Variants in UHMK1 observed in about 807,000 individuals in gnomAD.
UHMK1 encodes the protein serine/threonine-protein kinase Kist.
Under a neutral mutation model 44.0 loss-of-function variants are expected in UHMK1, and 18 were observed. That is an observed-to-expected ratio of 0.41 (90% CI 0.28 to 0.61). The LOEUF is 0.61. Ranked by LOEUF, UHMK1 falls within the 20% of genes least tolerant of loss-of-function variation. The pLI is 0.31. For synonymous variants in UHMK1, 231 were observed against 198.5 expected (o/e 1.16, Z -1.38); for missense variants, 463 against 522.5 (o/e 0.89, Z 1.11).
At chr1:162,500,514 A>C (rs1571003271) in intron 2 of UHMK1, 1 of 438,024 alleles carries the variant, frequency 2.3e-6, no homozygotes, top group African/African-American at 2.0e-5. Flanking sequence ...ATGGTTTTTT[A>C]AATTTTATGC....
intron 7 of UHMK1, among the ~76,000 whole-genome samples, chr1:162,518,618 G>A (rs1262386977): frequency 6.6e-6 from 1 of 151,018 alleles, no homozygotes; most frequent in African/African-American, 2.4e-5. Context: ...GGAGGCAGAG[G>A]TTGCAGTGAG....
Position 162,500,097 on chromosome 1 carries a change from T to C in UHMK1, c.411T>C (p.His137=), listed in dbSNP as rs1651212979. The C allele has an allele frequency of 6.2e-7, 1 of 1,614,070 alleles. No individual in the cohort carries two copies. The highest frequency in any genetic ancestry group is 1.3e-5 in the African/African-American group (1 of 74,932). ...GTTGTTCCATGTGGATGATACAGCA[T>C]TGTGCCCGAGATGTTTTGGAGGCCC... ...HQGCSMWMIQ[H]CARDVLEALA... The change falls in exon 2 of 8, where the codon CAT becomes CAC. Residue 137 remains histidine, a synonymous_variant. Transcript: ENST00000489294.
intron 5 of UHMK1, 55 bp downstream of exon 5, chr1:162,512,631 A>G (rs1292008740): frequency 8.1e-6 from 13 of 1,601,956 alleles, no homozygotes; most frequent in Non-Finnish European, 1.1e-5. Flanking sequence ...CATACAAGAC[A>G]TCAGCACTAA....
chr1:162,512,555 C>G lies in UHMK1; in HGVS notation c.904C>G (p.Pro302Ala). 2 of 1,612,892 alleles carry G rather than the reference C, an allele frequency of 1.2e-6. No homozygotes were observed. The highest frequency in any genetic ancestry group is 1.7e-6 in the Non-Finnish European group (2 of 1,179,774). The change falls in exon 5 of 8, where the codon CCA becomes GCA. Residue 302 changes from proline to alanine, a missense_variant. By Grantham distance (27) the Pro-to-Ala change is conservative. Transcript: ENST00000489294. ...TCCTGCTGAAATGGCATTGTGCAGC[C>G]CATTCTTTAGCATTCCTTTTGGTAA... ...RIPAEMALCSPFFSIPFAPHI... is the reference protein window; with the variant it reads ...RIPAEMALCSAFFSIPFAPHI...
chr1:162,497,772 CCT>C, upstream of UHMK1: 1 of 1,310,958 alleles, frequency 7.6e-7, no homozygotes, highest in Non-Finnish European at 9.7e-7. Context: ...CTGAGCCCCC[CCT>C]CCTTCGGCCT....
intron 3 of UHMK1, among the ~76,000 whole-genome samples, chr1:162,503,373 G>A (rs952606709): frequency 6.6e-6 from 1 of 151,966 alleles, no homozygotes. Flanking sequence ...ACTTTGGGAG[G>A]CCACGGTGGG....
chr1:162,522,409 T>C lies in UHMK1; in HGVS notation c.1119T>C (p.Phe373=), dbSNP rs771041185. 1.3e-5 allele frequency: 21 copies of C among 1,614,000 alleles called. No individual in the cohort carries two copies. The highest frequency in any genetic ancestry group is 1.6e-5 in the Non-Finnish European group (19 of 1,180,014). ...TTTTCTCTGTCTTCTTTCAGGTCTT[T>C]GTTGAGTATGCAAATGCTGGTGATT... ...PKENPGRGQV[F]VEYANAGDSK... Residue 373 remains phenylalanine (F), a synonymous_variant, in exon 8 of 8, where the codon TTT becomes TTC. Coordinates refer to ENST00000489294, the MANE Select transcript of UHMK1 (RefSeq NM_175866.5).
chr1:162,512,516 C>G lies in UHMK1; in HGVS notation c.865C>G (p.Pro289Ala), dbSNP rs1329918590. Residue 289 changes from proline to alanine, a missense_variant, in exon 5 of 8, where the codon CCA (proline) becomes GCA (alanine). By Grantham distance (27) the Pro-to-Ala change is conservative (BLOSUM62 -1). Transcript: ENST00000489294. ...GTGTTTTAGCATGCTTCATGATGATCCAAGCAGAAGAATTCCTGCTGAAAT... is the reference window on the plus strand; with the variant it reads ...GTGTTTTAGCATGCTTCATGATGATGCAAGCAGAAGAATTCCTGCTGAAAT... ...DLIKSMLHDD[P>A]SRRIPAEMAL... The G allele has an allele frequency of 3.7e-6, 6 of 1,612,096 alleles. No individual in the cohort carries two copies. The highest frequency in any genetic ancestry group is 4.2e-6 in the Non-Finnish European group (5 of 1,179,626).
At chr1:162,512,945 A>T (rs1651718032) in intron 6 of UHMK1, 122 bp downstream of exon 6, 4 of 985,606 alleles carry the variant, frequency 4.1e-6, no homozygotes, top group African/African-American at 1.6e-5. Flanking sequence ...TATGATCTCT[A>T]ATATACTCTC....
At chr1:162,520,908 A>T (rs1159704562) in intron 7 of UHMK1, among the ~76,000 whole-genome samples, 1 of 152,198 alleles carries the variant, frequency 6.6e-6, no homozygotes, top group African/African-American at 2.4e-5. Flanking sequence ...GAATAGAGAG[A>T]CAGGAGAAGT....
chr1:162,519,790 G>A (rs1207307000), intron 7 of UHMK1, among the ~76,000 whole-genome samples: 1 of 152,102 alleles, frequency 6.6e-6, no homozygotes, highest in Non-Finnish European at 1.5e-5. Flanking sequence ...ACTATAGAAC[G>A]TTTAACAGCT....
intron 6 of UHMK1, among the ~76,000 whole-genome samples, chr1:162,517,322 A>G (rs530171848): frequency 5.3e-5 from 8 of 152,254 alleles, no homozygotes; most frequent in Admixed American, 2.0e-4. Context: ...AAAGAAAGAA[A>G]TACACAAATG....
chr1:162,525,363 T>C lies in UHMK1; in HGVS notation c.*2813T>C, dbSNP rs1652210286. ...TTAACCCCTACCCTTTTGGGCAAAT[T>C]TTGTCTCAGGTAGTGTTTCATTCCC... On this transcript the variant is annotated 3_prime_UTR_variant, in exon 8 of 8. Coordinates refer to ENST00000489294, the MANE Select transcript of UHMK1 (RefSeq NM_175866.5). 1 of 152,090 alleles carries C rather than the reference T, an allele frequency of 6.6e-6. No individual in the cohort carries two copies. Among genetic ancestry groups the C allele is most frequent in the Non-Finnish European group, 1.5e-5 (1 of 68,016 alleles). 9.4% of individuals were successfully genotyped at this position (152,090 alleles called of 1,614,324 possible).
chr1:162,498,296 T>A, intron 1 of UHMK1, 28 bp downstream of exon 1: 15 of 1,561,656 alleles, frequency 9.6e-6, no homozygotes, highest in Non-Finnish European at 1.3e-5. Context: ...CTTTCTCTTC[T>A]TGCCCAGGTC....
chr1:162,503,398 C>G (rs758589036), intron 3 of UHMK1, among the ~76,000 whole-genome samples: 1 of 151,704 alleles, frequency 6.6e-6, no homozygotes, highest in Non-Finnish European at 1.5e-5. Context: ...TCACTTGAGC[C>G]CAAGAGTTTG....
At chr1:162,513,657 A>T (rs1651742877) in intron 6 of UHMK1, among the ~76,000 whole-genome samples, 1 of 152,218 alleles carries the variant, frequency 6.6e-6, no homozygotes, top group Admixed American at 6.5e-5. Context: ...TTGAGGGGTT[A>T]GGAAGTAAGT....
At position 162,499,685 on chromosome 1, in the gene UHMK1, A is replaced by G. The variant is rs10919550; in HGVS notation, c.269-270A>G. ...CACTCCAAGTTCGTGTTCATCACCA[A>G]TGAGTACTTGGTGAAACACAAATTG... On this transcript the variant is annotated intron_variant, in intron 1 of 7. Coordinates refer to ENST00000489294, the MANE Select transcript of UHMK1 (RefSeq NM_175866.5). 0.43 allele frequency among the ~76,000 whole-genome samples: 65,585 copies of G among 152,030 alleles called. 14,289 individuals carry two copies. The highest frequency in any genetic ancestry group is 0.46 in the Non-Finnish European group (31,123 of 67,986).
At chr1:162,509,073 C>T (rs906676170) in intron 4 of UHMK1, among the ~76,000 whole-genome samples, 4 of 152,164 alleles carry the variant, frequency 2.6e-5, no homozygotes, top group Non-Finnish European at 4.4e-5. Context: ...GCGTGAGCCA[C>T]CACGCACAGT....
chr1:162,511,168 CT>C (rs1252111444), intron 4 of UHMK1, among the ~76,000 whole-genome samples: 7 of 138,100 alleles, frequency 5.1e-5, no homozygotes, highest in African/African-American at 1.6e-4. Flanking sequence ...TATTTGAGCT[CT>C]TTTTTTCTTT....
Sources: gnomAD v4.1 joint callset for allele counts (sites outside exome capture counted in the v4.1 genomes callset) on GRCh38, gnomAD v4.1.1 for gene constraint, MANE v1.5 for transcripts, NCBI Gene and HGNC (gene_info 2026-07-23, HGNC 2026-07-21) for gene names.